The following LRP12 variants were observed in gnomAD, a reference collection of about 807,000 sequenced individuals.
LRP12 encodes the protein LDL receptor related protein 12.
LRP12 carries 14 observed loss-of-function variants against 66.0 expected under a neutral mutation model. The ratio of observed to expected loss-of-function variants is 0.21; its 90% CI spans 0.14 to 0.33. The LOEUF (loss-of-function observed/expected upper bound fraction) is 0.33. Among genes scored for constraint, LRP12 ranks in the 10% least tolerant of loss-of-function variants. The pLI is 1.00. For synonymous variants in LRP12, 357 were observed against 359.1 expected, an observed-to-expected ratio of 0.99 and a Z score of 0.07; for missense variants, 889 against 1,053.4, an observed-to-expected ratio of 0.84 and a Z score of 2.16.
chr8:104,574,302 A>C (rs1251065036), intron 1 of LRP12, among the ~76,000 whole-genome samples: 1 of 152,204 alleles, frequency 6.6e-6, no homozygotes, highest in Non-Finnish European at 1.5e-5. Context: ...TAATATTCTT[A>C]AAAACATATA....
At chr8:104,494,986 C>G in intron 6 of LRP12, 91 bp downstream of exon 6, 5 of 1,177,748 alleles carry the variant, frequency 4.2e-6, no homozygotes, top group Non-Finnish European at 5.9e-6. Context: ...TGCAAAAATT[C>G]TGACAGTCAA....
intron 1 of LRP12, among the ~76,000 whole-genome samples, chr8:104,539,066 A>G (rs1334167810): frequency 6.6e-6 from 1 of 152,188 alleles, no homozygotes; most frequent in African/African-American, 2.4e-5. Flanking sequence ...AGTTGTGAAG[A>G]AAGTCCACAG....
chr8:104,517,175 C>A (rs1343351681), intron 2 of LRP12, among the ~76,000 whole-genome samples: 1 of 149,100 alleles, frequency 6.7e-6, no homozygotes, highest in East Asian at 2.0e-4. Context: ...AAGCATATAA[C>A]AGTTAATATG....
intron 1 of LRP12, among the ~76,000 whole-genome samples, chr8:104,546,914 A>G (rs894848861): frequency 2.2e-5 from 3 of 137,890 alleles, no homozygotes; most frequent in Non-Finnish European, 3.0e-5. Context: ...TATATTATAT[A>G]ATTATATATA....
rs1812387295 is a variant in LRP12 at position 104,588,964 on chromosome 8, ACGCCGACG to A, written c.-75_-68del. On this transcript the variant is annotated 5_prime_UTR_variant, in exon 1 of 7. Transcript: ENST00000276654. ...AGGGAGGAGAAGCTGGAGGTAGACGACGCCGACGCCGCCGCCGCCGCCGCCGCCGCCGC... is the reference window on the plus strand; with the variant it reads ...AGGGAGGAGAAGCTGGAGGTAGACGACCGCCGCCGCCGCCGCCGCCGCCGC... 1 of 899,786 alleles carries A rather than the reference ACGCCGACG, an allele frequency of 1.1e-6. No homozygotes were observed. Among genetic ancestry groups the A allele is most frequent in the African/African-American group, 2.8e-5 (1 of 36,274 alleles). The allele number at this position is 899,786 out of a possible 1,614,324, so 55.7% of individuals were successfully genotyped here.
intron 2 of LRP12, among the ~76,000 whole-genome samples, chr8:104,519,165 C>A (rs564662851): frequency 6.6e-6 from 1 of 152,064 alleles, no homozygotes; most frequent in African/African-American, 2.4e-5. Flanking sequence ...AAATAGTGTC[C>A]TGATTTCTCT....
At chr8:104,543,256 G>C in intron 1 of LRP12, among the ~76,000 whole-genome samples, 1 of 152,014 alleles carries the variant, frequency 6.6e-6, no homozygotes, top group East Asian at 1.9e-4. Flanking sequence ...AAGTCTATCA[G>C]TACCATTTTT....
Position 104,497,181 on chromosome 8 carries a change from A to G in LRP12, c.1371T>C (p.His457=), listed in dbSNP as rs759433914. The G allele has an allele frequency of 6.2e-7, 1 of 1,610,888 alleles. No individual in the cohort carries two copies. The highest frequency in any genetic ancestry group is 8.5e-7 in the Non-Finnish European group (1 of 1,178,278). ...CAAACACACAACGATTGTTTTTACA[A>G]TGGAAATTTCCTGGTTGGCAAAAAA... ...NCFFCQPGNF[H]CKNNRCVFES... is the part of the protein sequence containing the mutation. Residue 457 remains histidine, a synonymous_variant, in exon 5 of 7, where the codon CAT becomes CAC. Transcript: ENST00000276654. The surrounding 1 kb of genome is among the most constrained non-coding windows in gnomAD (Gnocchi z 4.3).
chr8:104,527,575 C>T (rs1306604984), intron 2 of LRP12, among the ~76,000 whole-genome samples: 2 of 151,578 alleles, frequency 1.3e-5, no homozygotes, highest in African/African-American at 2.4e-5. Context: ...AGTAAACTAT[C>T]GCAAGGACAA....
At chr8:104,524,893 A>C (rs552242098) in intron 2 of LRP12, among the ~76,000 whole-genome samples, 1 of 152,264 alleles carries the variant, frequency 6.6e-6, no homozygotes, top group South Asian at 2.1e-4. Context: ...TTACAGAGTA[A>C]TTCAGTTTAA....
At chr8:104,565,246 GAAT>G (rs1161796017) in intron 1 of LRP12, among the ~76,000 whole-genome samples, 2 of 152,044 alleles carry the variant, frequency 1.3e-5, no homozygotes, top group Admixed American at 6.6e-5. Flanking sequence ...AAGTATTTTA[GAAT>G]AATATCGATA....
chr8:104,561,429 T>G (rs535877529), intron 1 of LRP12, among the ~76,000 whole-genome samples: 1 of 152,320 alleles, frequency 6.6e-6, no homozygotes, highest in South Asian at 2.1e-4. Context: ...TGTCTAATGC[T>G]TTCATCCACT....
At chr8:104,542,574 C>A (rs562087672) in intron 1 of LRP12, among the ~76,000 whole-genome samples, 62 of 152,158 alleles carry the variant, frequency 4.1e-4, no homozygotes, top group African/African-American at 1.4e-3. Flanking sequence ...ATACAGTTGA[C>A]CCCTGAACAA....
chr8:104,569,713 T>TA (rs1812051171), intron 1 of LRP12, among the ~76,000 whole-genome samples: 1 of 152,094 alleles, frequency 6.6e-6, no homozygotes, highest in South Asian at 2.1e-4. Flanking sequence ...CTAACATACT[T>TA]AATGGTGGAA....
intron 1 of LRP12, among the ~76,000 whole-genome samples, chr8:104,537,250 TGA>T (rs1811404082): frequency 6.6e-6 from 1 of 151,898 alleles, no homozygotes; most frequent in South Asian, 2.1e-4. Context: ...GAGACAGAGA[TGA>T]GAGTTTAGAG....
intron 3 of LRP12, among the ~76,000 whole-genome samples, chr8:104,503,918 T>C (rs113325340): frequency 0.024 from 3,632 of 152,274 alleles, 108 homozygotes; most frequent in African/African-American, 0.065. Context: ...TAATTAACTT[T>C]GACATTAAAT....
At chr8:104,580,337 A>G (rs1812226593) in intron 1 of LRP12, among the ~76,000 whole-genome samples, 1 of 150,554 alleles carries the variant, frequency 6.6e-6, no homozygotes, top group African/African-American at 2.4e-5. Context: ...TAACACAGTG[A>G]AACCCTGTCT....
At chr8:104,555,307 T>C (rs1396161654) in intron 1 of LRP12, among the ~76,000 whole-genome samples, 1 of 152,118 alleles carries the variant, frequency 6.6e-6, no homozygotes, top group Non-Finnish European at 1.5e-5. Flanking sequence ...AAAAGAATAG[T>C]ACCTCGCATT....
At chr8:104,530,282 T>A (rs1474532831) in intron 2 of LRP12, among the ~76,000 whole-genome samples, 2 of 152,118 alleles carry the variant, frequency 1.3e-5, no homozygotes, top group African/African-American at 4.8e-5. Flanking sequence ...CTCAAGCCCA[T>A]ATGTGGAAGC....
Sources: allele counts gnomAD v4.1 joint callset (sites outside exome capture counted in the v4.1 genomes callset), GRCh38; gene constraint gnomAD v4.1.1; non-coding constraint Gnocchi (gnomAD v3.1); transcripts MANE v1.5; gene names NCBI Gene and HGNC (gene_info 2026-07-23, HGNC 2026-07-21).